The following ZGPAT variants were observed in gnomAD, a reference collection of about 807,000 sequenced individuals.
The protein encoded by ZGPAT is zinc finger CCCH-type with G patch domain-containing protein.
ZGPAT carries 39 observed loss-of-function variants against 47.9 expected under a neutral mutation model. The observed-to-expected ratio is 0.81, with a 90% CI of 0.63 to 1.06. The LOEUF is 1.06. Among genes scored for constraint, ZGPAT ranks in the 50% least tolerant of loss-of-function variants. The probability of loss-of-function intolerance (pLI) is 0.00; values close to 1 mark genes in which losing one functional copy is unlikely to be tolerated. For missense variants in ZGPAT, 717 were observed against 681.4 expected, an observed-to-expected ratio of 1.05 and a Z score of -0.58; for synonymous variants, 348 against 292.9, an observed-to-expected ratio of 1.19 and a Z score of -1.92.
At chr20:63,719,317 A>C (rs1361671278) in intron 2 of ZGPAT, among the ~76,000 whole-genome samples, 1 of 152,186 alleles carries the variant, frequency 6.6e-6, no homozygotes, top group African/African-American at 2.4e-5. Context: ...TTAAATTTGC[A>C]AAGTTTCAGC....
chr20:63,730,018 GCGCACACACA>G (rs1305485315), intron 2 of ZGPAT: 1 of 146,962 alleles, frequency 6.8e-6, no homozygotes, highest in South Asian at 2.2e-4. Context: ...AGACTCTACT[GCGCACACACA>G]CACACACACA....
intron 2 of ZGPAT, among the ~76,000 whole-genome samples, chr20:63,723,891 C>T (rs1031135872): frequency 4.0e-5 from 6 of 151,332 alleles, no homozygotes; most frequent in African/African-American, 9.7e-5. Flanking sequence ...GGCAACATGA[C>T]GAAACCCATC....
intron 2 of ZGPAT, among the ~76,000 whole-genome samples, chr20:63,726,539 T>TTTC (rs2091848083): frequency 1.9e-5 from 2 of 102,728 alleles, no homozygotes; most frequent in Admixed American, 2.1e-4. Context: ...TTGTTTGTTT[T>TTTC]TGAGATGGAG....
Position 63,733,567 on chromosome 20 carries a change from C to T in ZGPAT, c.719-20C>T. ...ACCTGCTGTCAAGGATTCTGACCTG[C>T]AGCTTGTCTCTGCCCCCAGATGTGG... On this transcript the variant is annotated intron_variant, in intron 3 of 6. Transcript: ENST00000355969. The T allele has an allele frequency of 6.2e-7, 1 of 1,614,124 alleles. No individual in the cohort carries two copies. Among genetic ancestry groups the T allele is most frequent in the Non-Finnish European group, 8.5e-7 (1 of 1,180,016 alleles).
At chr20:63,717,616 C>T (rs987004578) in intron 2 of ZGPAT, among the ~76,000 whole-genome samples, 3 of 152,048 alleles carry the variant, frequency 2.0e-5, no homozygotes, top group East Asian at 1.9e-4. Context: ...ACTCTGTTGC[C>T]GTTTGGAGAG....
At position 63,708,877 on chromosome 20, in the gene ZGPAT, C is replaced by G; in HGVS notation, c.297C>G (p.Ser99=). Residue 99 remains serine, a synonymous_variant, in exon 2 of 7, where the codon TCC becomes TCG. Transcript: ENST00000355969. ...AGGCACCAGCAGCGGCCCGTGGGTC[C>G]GGATCAGAGACCGTTCCTAAAGCAG... The part of the protein sequence containing the change: ...AVEAPAAARG[S]GSETVPKAEA... The G allele has an allele frequency of 6.2e-7, 1 of 1,610,796 alleles. No homozygotes were observed. The highest frequency in any genetic ancestry group is 8.5e-7 in the Non-Finnish European group (1 of 1,178,712).
At chr20:63,734,540 G>C in intron 4 of ZGPAT, 165 bp from the exon 5 acceptor site, 1 of 1,347,444 alleles carries the variant, frequency 7.4e-7, no homozygotes, top group African/African-American at 1.5e-5. Context: ...AAGAGGTGGG[G>C]TGTCGTGGCT....
In ZGPAT at chr20:63,715,244, C is replaced by CTT. The variant is rs34013765; in HGVS notation, c.584+6094_584+6095dup. ...ACTTGGCCCTATCTTTTTTCTTTTT[C>CTT]TTTTTTTTTTTTTTTGAGACAGAGT... On this transcript the variant is annotated intron_variant, in intron 2 of 6. Coordinates refer to ENST00000355969, the MANE Select transcript of ZGPAT (RefSeq NM_181485.3). 5.1e-3 allele frequency among the ~76,000 whole-genome samples: 695 copies of CTT among 136,722 alleles called. 3 individuals carry two copies. The highest frequency in any genetic ancestry group is 8.0e-3 in the Non-Finnish European group (512 of 63,610). 89.7% of individuals were successfully genotyped at this position (136,722 alleles called of 152,430 possible).
At chr20:63,723,709 C>A (rs2091814544) in intron 2 of ZGPAT, among the ~76,000 whole-genome samples, 1 of 152,230 alleles carries the variant, frequency 6.6e-6, no homozygotes, top group Non-Finnish European at 1.5e-5. Context: ...TGTATTATTG[C>A]CATATATACA....
chr20:63,730,412 C>T (rs1038553252), intron 2 of ZGPAT: 4 of 152,278 alleles, frequency 2.6e-5, no homozygotes, highest in Admixed American at 2.6e-4. Context: ...CCACCTCACT[C>T]TGCTCCACCC....
intron 2 of ZGPAT, among the ~76,000 whole-genome samples, chr20:63,716,781 C>T (rs2091733672): frequency 6.6e-6 from 1 of 152,090 alleles, no homozygotes. Context: ...TCCCAGATTC[C>T]AGCAATTCTC....
intron 3 of ZGPAT, 72 bp downstream of exon 3, chr20:63,733,424 T>G: frequency 6.3e-7 from 1 of 1,598,308 alleles, no homozygotes; most frequent in Non-Finnish European, 8.5e-7. Flanking sequence ...GTGTGGCTGC[T>G]CCCTGCTTCC....
intron 2 of ZGPAT, among the ~76,000 whole-genome samples, chr20:63,724,263 G>A (rs975078960): frequency 6.6e-6 from 1 of 151,732 alleles, no homozygotes; most frequent in African/African-American, 2.4e-5. Context: ...CTACTCGGGA[G>A]GCTGAGGCAA....
At chr20:63,733,008 ATG>A (rs751961713) in intron 2 of ZGPAT, among the ~76,000 whole-genome samples, 12 of 143,656 alleles carry the variant, frequency 8.4e-5, no homozygotes, top group African/African-American at 2.0e-4. Context: ...GTATATGTGC[ATG>A]TGTGTATGTG....
In ZGPAT at chr20:63,708,575, C is replaced by T; in HGVS notation, c.-6C>T. ...CAGCCCTGGTCCAGCGCCTCCCTCT[C>T]TCAGCATGGACGAGGAGAGCCTGGA... is the stretch of plus-strand genomic sequence containing the variant. On this transcript the variant is annotated 5_prime_UTR_variant, in exon 2 of 7. Transcript: ENST00000355969. 2 of 1,581,670 alleles carry T rather than the reference C, an allele frequency of 1.3e-6. No individual in the cohort carries two copies. The highest frequency in any genetic ancestry group is 8.6e-7 in the Non-Finnish European group (1 of 1,159,790).
At chr20:63,725,459 A>G (rs2091835438) in intron 2 of ZGPAT, among the ~76,000 whole-genome samples, 1 of 152,164 alleles carries the variant, frequency 6.6e-6, no homozygotes, top group African/African-American at 2.4e-5. Context: ...ATTGTTTCTG[A>G]TGAGAAGTCA....
intron 3 of ZGPAT, 108 bp from the exon 4 acceptor site, chr20:63,733,479 A>C: frequency 1.2e-6 from 2 of 1,601,528 alleles, no homozygotes; most frequent in Non-Finnish European, 1.7e-6. Flanking sequence ...CGAAATGAGC[A>C]CACCTACCCT....
chr20:63,734,011 G>C (rs978051049), intron 4 of ZGPAT: 18 of 460,948 alleles, frequency 3.9e-5, no homozygotes, highest in Non-Finnish European at 6.5e-5. Flanking sequence ...TGGAGTTGCC[G>C]AGGAAGTCAC....
At chr20:63,712,792 A>G (rs1190105601) in intron 2 of ZGPAT, among the ~76,000 whole-genome samples, 3 of 152,106 alleles carry the variant, frequency 2.0e-5, no homozygotes, top group African/African-American at 7.2e-5. Context: ...GCTACACGAG[A>G]GGGTGAGGCA....
Sources: gnomAD v4.1 joint callset for allele counts (sites outside exome capture counted in the v4.1 genomes callset) on GRCh38, gnomAD v4.1.1 for gene constraint, MANE v1.5 for transcripts, NCBI Gene and HGNC (gene_info 2026-07-23, HGNC 2026-07-21) for gene names.